Variants in GLIS3 observed in about 807,000 individuals in gnomAD.
GLIS3 encodes the protein zinc finger protein GLIS3.
Under a neutral mutation model 78.6 loss-of-function variants are expected in GLIS3, and 53 were observed. The observed-to-expected ratio is 0.67, with a 90% CI of 0.54 to 0.85. The LOEUF (loss-of-function observed/expected upper bound fraction) is 0.85. Among genes scored for constraint, GLIS3 ranks in the 40% least tolerant of loss-of-function variants. GLIS3 has a pLI of 0.00. For synonymous variants in GLIS3, 684 were observed against 509.9 expected (o/e 1.34, Z -4.60); for missense variants, 1,703 against 1,231.1 (o/e 1.38, Z -5.74).
chr9:4,411,062 T>C, the GLIS3 span, among the ~76,000 whole-genome samples: 1 of 152,176 alleles, frequency 6.6e-6, no homozygotes, highest in South Asian at 2.1e-4. Context: ...AACAAAATGA[T>C]AAAACTATTA....
the GLIS3 span, among the ~76,000 whole-genome samples, chr9:4,454,890 T>C: frequency 1.3e-5 from 2 of 152,196 alleles, no homozygotes; most frequent in Non-Finnish European, 2.9e-5. Context: ...TAATCTAGAA[T>C]TGTACACACA....
the GLIS3 span, among the ~76,000 whole-genome samples, chr9:4,467,858 T>C: frequency 9.1e-4 from 138 of 152,208 alleles, 1 homozygote; most frequent in Admixed American, 2.9e-3. Flanking sequence ...AGGAGGATGA[T>C]CAAACCCATC....
chr9:4,242,202 G>C (rs10758583), intron 2 of GLIS3, among the ~76,000 whole-genome samples: 109,497 of 151,794 alleles, frequency 0.72, 41,332 homozygotes, highest in East Asian at 0.93. Context: ...TCCCACCTTG[G>C]TCAGTTTTGG....
intron 4 of GLIS3, among the ~76,000 whole-genome samples, chr9:4,095,893 T>A (rs72687958): frequency 2.4e-4 from 36 of 152,194 alleles, no homozygotes; most frequent in Non-Finnish European, 4.6e-4. Flanking sequence ...GAGAAGTTGC[T>A]GTCCTGGTTT....
intron 4 of GLIS3, among the ~76,000 whole-genome samples, chr9:4,083,055 A>C (rs1396323250): frequency 6.6e-6 from 1 of 152,238 alleles, no homozygotes; most frequent in Non-Finnish European, 1.5e-5. Flanking sequence ...AGTTATCCAC[A>C]AACCCTTTTC....
chr9:4,008,384 T>C (rs1821728305), intron 4 of GLIS3, among the ~76,000 whole-genome samples: 1 of 152,160 alleles, frequency 6.6e-6, no homozygotes, highest in African/African-American at 2.4e-5. Context: ...AGTGCCATTT[T>C]CCCTGCCCTC....
At chr9:4,187,271 G>A (rs1817893391) in intron 2 of GLIS3, among the ~76,000 whole-genome samples, 1 of 152,136 alleles carries the variant, frequency 6.6e-6, no homozygotes, top group Non-Finnish European at 1.5e-5. Flanking sequence ...CCCATTGCTT[G>A]TTTTTCTCAG....
the GLIS3 span, among the ~76,000 whole-genome samples, chr9:4,383,778 C>G: frequency 2.6e-5 from 4 of 152,176 alleles, no homozygotes; most frequent in African/African-American, 9.7e-5. Context: ...TAATCAGCCT[C>G]TTTGTGTTGA....
intron 3 of GLIS3, among the ~76,000 whole-genome samples, chr9:4,123,356 G>A (rs1489013425): frequency 6.6e-6 from 1 of 152,052 alleles, no homozygotes; most frequent in African/African-American, 2.4e-5. Flanking sequence ...CTGCAGTACA[G>A]TTTGAGAATA....
chr9:4,008,515 G>A (rs1409298696), intron 4 of GLIS3, among the ~76,000 whole-genome samples: 1 of 152,206 alleles, frequency 6.6e-6, no homozygotes, highest in Non-Finnish European at 1.5e-5. Flanking sequence ...GCAGAATTCT[G>A]TGTAGGTGAC....
chr9:4,147,861 T>C (rs1227085643), intron 2 of GLIS3, among the ~76,000 whole-genome samples: 1 of 151,650 alleles, frequency 6.6e-6, no homozygotes, highest in African/African-American at 2.4e-5. Flanking sequence ...AAACTAGGGA[T>C]GTGTCTGAAA....
the GLIS3 span, among the ~76,000 whole-genome samples, chr9:4,367,007 C>T: frequency 6.6e-6 from 1 of 152,212 alleles, no homozygotes; most frequent in Non-Finnish European, 1.5e-5. Flanking sequence ...GATGAGGATG[C>T]TTCCTAAAGC....
intron 4 of GLIS3, among the ~76,000 whole-genome samples, chr9:4,115,460 G>C (rs806055): frequency 0.77 from 117,778 of 152,012 alleles, 45,867 homozygotes; most frequent in East Asian, 0.84. Flanking sequence ...TTGTATGTGT[G>C]TGGACTCCAA....
the GLIS3 span, among the ~76,000 whole-genome samples, chr9:4,375,932 A>C: frequency 1.3e-5 from 2 of 152,304 alleles, no homozygotes; most frequent in African/African-American, 4.8e-5. Context: ...AGTGCCAGCT[A>C]CACGTTTCAT....
chr9:4,074,118 C>T (rs546021049), intron 4 of GLIS3, among the ~76,000 whole-genome samples: 3 of 152,314 alleles, frequency 2.0e-5, no homozygotes, highest in African/African-American at 7.2e-5. Context: ...CATCCCAATG[C>T]AAGTCACAAG....
intron 4 of GLIS3, among the ~76,000 whole-genome samples, chr9:4,004,515 G>A (rs934276089): frequency 8.5e-5 from 13 of 152,210 alleles, no homozygotes; most frequent in African/African-American, 3.1e-4. Flanking sequence ...ATACTGTTGT[G>A]TGAAATCACC....
At chr9:4,033,888 A>AC (rs1473093055) in intron 4 of GLIS3, among the ~76,000 whole-genome samples, 39 of 150,856 alleles carry the variant, frequency 2.6e-4, no homozygotes, top group African/African-American at 9.5e-4. Flanking sequence ...AAAAAAAAAA[A>AC]AACTAGAATG....
At chr9:4,320,660 C>G (rs1233917634) in intron 2 of GLIS3, among the ~76,000 whole-genome samples, 1 of 152,020 alleles carries the variant, frequency 6.6e-6, no homozygotes, top group African/African-American at 2.4e-5. Flanking sequence ...GCCACCATCA[C>G]TACCTCCATC....
At chr9:4,023,085 T>C (rs1042399931) in intron 4 of GLIS3, among the ~76,000 whole-genome samples, 1 of 152,198 alleles carries the variant, frequency 6.6e-6, no homozygotes, top group African/African-American at 2.4e-5. Flanking sequence ...AACTTCAACA[T>C]ATTTGAAAAC....
Sources: gnomAD v4.1 joint callset for allele counts (sites outside exome capture counted in the v4.1 genomes callset) on GRCh38, gnomAD v4.1.1 for gene constraint, MANE v1.5 for transcripts, NCBI Gene and HGNC (gene_info 2026-07-23, HGNC 2026-07-21) for gene names.